The following DDX46 variants were observed in gnomAD, a reference collection of about 807,000 sequenced individuals.
The protein encoded by DDX46 is DEAD-box helicase 46.
In DDX46, 30 loss-of-function variants were observed where a neutral mutation model predicts 134.9. The observed-to-expected ratio is 0.22, with a 90% CI of 0.17 to 0.30. The LOEUF is 0.30. Ranked by LOEUF, DDX46 falls within the 10% of genes least tolerant of loss-of-function variation. The pLI is 1.00. For synonymous variants in DDX46, 415 were observed against 404.1 expected, an observed-to-expected ratio of 1.03 and a Z score of -0.32; for missense variants, 622 against 1,248.7, an observed-to-expected ratio of 0.50 and a Z score of 7.56.
intron 2 of DDX46, among the ~76,000 whole-genome samples, chr5:134,764,736 A>G (rs1465570869): frequency 6.6e-6 from 1 of 151,928 alleles, no homozygotes; most frequent in Non-Finnish European, 1.5e-5. Context: ...GCTCCAGGAG[A>G]GCTGACCAAG....
Position 134,817,603 on chromosome 5 carries a change from C to T in DDX46, c.2721C>T (p.Ala907=), listed in dbSNP as rs1755317929. ...IAEQLAEKIN[A]KLNYVPLEKQ... is the part of the protein sequence containing the mutation. ...AACAACTTGCTGAAAAGATCAATGC[C>T]AAGCTCAATTATGTGCCGTTAGAGA... Residue 907 remains alanine (A), a synonymous_variant, in exon 20 of 23, where the codon GCC becomes GCT. Coordinates refer to ENST00000452510, the MANE Select transcript of DDX46 (RefSeq NM_001300860.2). 6.2e-7 allele frequency: 1 copy of T among 1,613,972 alleles called. No homozygotes were observed. Among genetic ancestry groups the T allele is most frequent in the South Asian group, 1.1e-5 (1 of 91,084 alleles).
In DDX46 at chr5:134,790,487, C is replaced by A; in HGVS notation, c.1561C>A (p.Arg521=). The A allele has an allele frequency of 6.2e-7, 1 of 1,611,408 alleles. No homozygotes were observed. The highest frequency in any genetic ancestry group is 8.5e-7 in the Non-Finnish European group (1 of 1,179,216). Residue 521 remains arginine (R), a synonymous_variant, in exon 13 of 23, where the codon CGA becomes AGA. Coordinates refer to ENST00000452510, the MANE Select transcript of DDX46 (RefSeq NM_001300860.2). ...AANSGRVTNL[R]RVTYVVLDEA... ...CATCTTAGGTCGGGTCACAAATCTTCGAAGAGTGACATATGTTGTTTTAGA... is the reference window on the plus strand; with the variant it reads ...CATCTTAGGTCGGGTCACAAATCTTAGAAGAGTGACATATGTTGTTTTAGA...
rs1294272827 is a variant in DDX46 at position 134,817,734 on chromosome 5, CT to C, written c.2832+27del. 5 of 1,598,710 alleles carry C rather than the reference CT, an allele frequency of 3.1e-6. No homozygotes were observed. Among genetic ancestry groups the C allele is most frequent in the Admixed American group, 3.5e-5 (2 of 57,524 alleles). On this transcript the variant is annotated intron_variant, in intron 20 of 22. Transcript: ENST00000452510. Reference sequence around the variant, plus strand: ...CCACAGGCAAGTAACAGGTTTAAACCTTTTTTTATTGTGAAGTAGCAACTCT... The same window carrying C: ...CCACAGGCAAGTAACAGGTTTAAACCTTTTTTATTGTGAAGTAGCAACTCT...
intron 13 of DDX46, among the ~76,000 whole-genome samples, chr5:134,793,987 A>G (rs1380784266): frequency 1.3e-5 from 2 of 152,108 alleles, no homozygotes; most frequent in Admixed American, 6.6e-5. Flanking sequence ...GAAAGGAGAA[A>G]AATTAAGGCA....
At position 134,765,667 on chromosome 5, in the gene DDX46, G is replaced by A. The variant is rs569220856; in HGVS notation, c.207-1250G>A. Among the ~76,000 whole-genome samples the A allele has an allele frequency of 3.9e-5, 6 of 152,178 alleles. No individual in the cohort carries two copies. In the South Asian group the frequency reaches 1.0e-3, roughly 26 times the overall value. The stretch of plus-strand genomic sequence containing the variant: ...TTGCTAGTGGCCTCCCAAAGGGTTG[G>A]GACTACAGGTATGAGATACCATACC... On this transcript the variant is annotated intron_variant, in intron 2 of 22. Coordinates refer to ENST00000452510, the MANE Select transcript of DDX46 (RefSeq NM_001300860.2).
chr5:134,815,054 C>T (rs1198274877), intron 18 of DDX46, among the ~76,000 whole-genome samples: 1 of 152,110 alleles, frequency 6.6e-6, no homozygotes, highest in Non-Finnish European at 1.5e-5. Context: ...CAAGACCCTC[C>T]TAGACAACAC....
chr5:134,821,961 C>T (rs1398049707), intron 21 of DDX46, among the ~76,000 whole-genome samples: 3 of 146,434 alleles, frequency 2.0e-5, no homozygotes, highest in East Asian at 2.1e-4. Context: ...GGTGCTGTCT[C>T]GTCTCACTGC....
intron 5 of DDX46, 77 bp from the exon 6 acceptor site, chr5:134,777,497 G>A (rs1401424826): frequency 6.5e-7 from 1 of 1,529,748 alleles, no homozygotes; most frequent in Non-Finnish European, 8.9e-7. Context: ...AAAGGTTAGA[G>A]AGGTGGGGTG....
intron 6 of DDX46, chr5:134,777,953 T>G: frequency 2.4e-6 from 1 of 421,354 alleles, no homozygotes; most frequent in Non-Finnish European, 4.1e-6. Flanking sequence ...TTTGATATCT[T>G]TGCTTACATA....
chr5:134,771,023 A>T (rs2150133494), intron 4 of DDX46, 24 bp downstream of exon 4: 1 of 956,980 alleles, frequency 1.0e-6, no homozygotes, highest in South Asian at 1.5e-5. Context: ...CTTAAAAATA[A>T]TTTTCTTTCT....
chr5:134,807,175 C>CTTTTTTTTTTTTT (rs11284486), intron 15 of DDX46, among the ~76,000 whole-genome samples: 2 of 121,732 alleles, frequency 1.6e-5, no homozygotes, highest in Non-Finnish European at 3.4e-5. Flanking sequence ...CCACGCCTGG[C>CTTTTTTTTTTTTT]TTTTTTTTTT....
intron 20 of DDX46, among the ~76,000 whole-genome samples, chr5:134,817,982 T>C (rs1755327379): frequency 6.6e-6 from 1 of 150,958 alleles, no homozygotes; most frequent in Non-Finnish European, 1.5e-5. Flanking sequence ...AGACTTTTGC[T>C]CTTATCGCCT....
At position 134,763,948 on chromosome 5, in the gene DDX46, G is replaced by A. The variant is rs200919517; in HGVS notation, c.62G>A (p.Arg21Gln). 1.7e-5 allele frequency: 28 copies of A among 1,614,110 alleles called. No homozygotes were observed. In the South Asian group the frequency reaches 1.8e-4, roughly 10 times the overall value. Residue 21 changes from arginine (R) to glutamine (Q), a missense_variant, in exon 2 of 23, where the codon CGG becomes CAG. By Grantham distance (43) the Arg-to-Gln change is conservative. This residue lies in a region of DDX46 where 244 missense variants were observed against 349.3 expected (regional missense o/e 0.70). Transcript: ENST00000452510. ...RSASRGRSGS[R>Q]SRSRSPSDKR... ...GCATCCCGGGGTCGCTCTGGAAGTC[G>A]GTCTAGAAGTCGCTCACCCTCAGAC... is the stretch of plus-strand genomic sequence containing the variant.
intron 2 of DDX46, 51 bp from the exon 3 acceptor site, chr5:134,766,866 A>C: frequency 1.3e-6 from 2 of 1,568,770 alleles, no homozygotes; most frequent in Non-Finnish European, 1.7e-6. Flanking sequence ...CCTGATCTGA[A>C]ATAGTAGCTC....
chr5:134,759,086 T>A, intron 1 of DDX46, 131 bp downstream of exon 1: 2 of 1,403,098 alleles, frequency 1.4e-6, no homozygotes, highest in Non-Finnish European at 1.9e-6. Flanking sequence ...CCCGCGAGCA[T>A]TGGAAGGGCT....
rs748663776 is a variant in DDX46, at chr5:134,826,978, G to A, written c.3009G>A (p.Lys1003=). 1 of 1,613,524 alleles carries A rather than the reference G, an allele frequency of 6.2e-7. No homozygotes were observed. Among genetic ancestry groups the A allele is most frequent in the East Asian group, 2.2e-5 (1 of 44,842 alleles). ...ATGAACTGGCTGTGCAGAAAGCAAA[G>A]GCAGAAATCACCAGGCTCATAAAAG... The part of the protein sequence containing the change: ...SANELAVQKA[K]AEITRLIKEE... Residue 1003 remains lysine (K), a synonymous_variant, in exon 22 of 23, where the codon AAG becomes AAA. Transcript: ENST00000452510.
chr5:134,828,592 TC>T, intron 22 of DDX46, 66 bp from the exon 23 acceptor site: 4 of 1,009,472 alleles, frequency 4.0e-6, no homozygotes, highest in East Asian at 3.2e-5. Context: ...GTTGGTTGGT[TC>T]GTTTTTTTTT....
At chr5:134,813,385 CG>C (rs1755202218) in intron 18 of DDX46, among the ~76,000 whole-genome samples, 1 of 152,120 alleles carries the variant, frequency 6.6e-6, no homozygotes, top group Admixed American at 6.6e-5. Context: ...CTTAGGCGCT[CG>C]TGAGATTGCA....
intron 3 of DDX46, among the ~76,000 whole-genome samples, chr5:134,770,513 C>A (rs760291479): frequency 1.3e-5 from 2 of 152,088 alleles, no homozygotes; most frequent in African/African-American, 2.4e-5. Flanking sequence ...CTTACCCCAC[C>A]TGTAAAAGTA....
Sources: allele counts gnomAD v4.1 joint callset (sites outside exome capture counted in the v4.1 genomes callset), GRCh38; gene constraint gnomAD v4.1.1; regional missense constraint gnomAD v4.1.1; transcripts MANE v1.5; gene names NCBI Gene and HGNC (gene_info 2026-07-23, HGNC 2026-07-21).